Variants in EXTL3 observed in about 807,000 individuals in gnomAD.
The protein encoded by EXTL3 is exostosin-like 3.
In EXTL3, 27 loss-of-function variants were observed where a neutral mutation model predicts 69.3. The ratio of observed to expected loss-of-function variants is 0.39; its 90% CI spans 0.29 to 0.54. The LOEUF (loss-of-function observed/expected upper bound fraction) is 0.54, where lower values mean the gene tolerates loss of function less well. Ranked by LOEUF, EXTL3 falls within the 20% of genes least tolerant of loss-of-function variation. EXTL3 has a pLI of 0.69. For synonymous variants in EXTL3, 511 were observed against 499.4 expected (o/e 1.02, Z -0.31); for missense variants, 1,003 against 1,231.8 (o/e 0.81, Z 2.78).
chr8:28,665,298 C>T (rs1807178490), intron 1 of EXTL3, among the ~76,000 whole-genome samples: 1 of 151,830 alleles, frequency 6.6e-6, no homozygotes, highest in South Asian at 2.1e-4. Flanking sequence ...TGGTCTCAAA[C>T]TCCTGACCTC....
chr8:28,721,656 T>A (rs1370135301), intron 3 of EXTL3, among the ~76,000 whole-genome samples: 2 of 152,214 alleles, frequency 1.3e-5, no homozygotes, highest in Admixed American at 1.3e-4. Flanking sequence ...GAGGGAGGAC[T>A]GGGTCTGGCA....
At chr8:28,741,638 A>G (rs1264971517) in intron 5 of EXTL3, 2 of 151,818 alleles carry the variant, frequency 1.3e-5, no homozygotes, top group African/African-American at 4.8e-5. Context: ...TTTTGTAGCT[A>G]TGGGGTCTTC....
intron 6 of EXTL3, chr8:28,744,185 G>A (rs776785323): frequency 1.1e-4 from 16 of 152,112 alleles, no homozygotes; most frequent in Admixed American, 2.6e-4. Context: ...ACTGTGCTTC[G>A]TCTGTGTTTG....
intron 3 of EXTL3, among the ~76,000 whole-genome samples, chr8:28,726,538 G>T (rs1484839852): frequency 6.6e-6 from 1 of 152,148 alleles, no homozygotes; most frequent in East Asian, 1.9e-4. Context: ...CCTGCAGGTT[G>T]ACTCTAAATC....
In EXTL3 at chr8:28,644,950, G is replaced by A. The variant is rs1482554230; in HGVS notation, c.-53+22140G>A. ...ATGTTCTGTATACGCCTCTGGTGAT[G>A]GAGTTTTATTTCCCTAGCTATTGGT... On this transcript the variant is annotated intron_variant, in intron 1 of 6. Coordinates refer to the EXTL3 transcript ENST00000523149. Among the ~76,000 whole-genome samples the A allele has an allele frequency of 2.0e-5, 3 of 152,170 alleles. No individual in the cohort carries two copies. In the East Asian group the frequency reaches 5.8e-4, roughly 29 times the overall value.
At chr8:28,744,643 A>G (rs1304860201) in intron 6 of EXTL3, among the ~76,000 whole-genome samples, 1 of 152,162 alleles carries the variant, frequency 6.6e-6, no homozygotes, top group African/African-American at 2.4e-5. Context: ...AAATATAAAA[A>G]ATTAGCCAGG....
At chr8:28,729,341 A>G (rs2130768099) in intron 3 of EXTL3, among the ~76,000 whole-genome samples, 1 of 149,668 alleles carries the variant, frequency 6.7e-6, no homozygotes, top group East Asian at 2.0e-4. Context: ...TCGTGCCTGT[A>G]GTCCCAGCAC....
At chr8:28,661,534 C>T (rs932243257) in intron 1 of EXTL3, among the ~76,000 whole-genome samples, 19 of 151,598 alleles carry the variant, frequency 1.3e-4, no homozygotes, top group Non-Finnish European at 1.6e-4. Context: ...TATAAACACA[C>T]ATATATATAT....
At chr8:28,685,099 G>A (rs908371409) in intron 1 of EXTL3, among the ~76,000 whole-genome samples, 3 of 151,154 alleles carry the variant, frequency 2.0e-5, no homozygotes, top group African/African-American at 4.9e-5. Flanking sequence ...TTACAGGCAC[G>A]TGCCACCACG....
Position 28,737,593 on chromosome 8 carries a change from C to T in EXTL3, c.2351C>T (p.Ser784Phe). ...RYHAWDIPHQ[S>F]WLYNSNYSCE... The stretch of plus-strand genomic sequence containing the variant: ...CACGCATGGGACATCCCCCATCAGT[C>T]CTGGCTCTACAACTCCAACTACTCC... Residue 784 changes from serine to phenylalanine, a missense_variant, in exon 5 of 7, where the codon TCC (serine) becomes TTC (phenylalanine). By Grantham distance (155) the Ser-to-Phe change is radical. This residue lies in a region of EXTL3 where 261 missense variants were observed against 416.4 expected (regional missense o/e 0.63). Coordinates refer to ENST00000220562, the MANE Select transcript of EXTL3 (RefSeq NM_001440.4). The T allele has an allele frequency of 6.2e-7, 1 of 1,614,102 alleles. No homozygotes were observed. The highest frequency in any genetic ancestry group is 8.5e-7 in the Non-Finnish European group (1 of 1,179,934).
intron 1 of EXTL3, among the ~76,000 whole-genome samples, chr8:28,658,847 C>T (rs1332469786): frequency 6.6e-6 from 1 of 152,204 alleles, no homozygotes; most frequent in Non-Finnish European, 1.5e-5. Context: ...TCCCAAAGTG[C>T]TGGGATTATA....
At chr8:28,707,214 T>G (rs1800942589) in intron 1 of EXTL3, among the ~76,000 whole-genome samples, 1 of 152,230 alleles carries the variant, frequency 6.6e-6, no homozygotes, top group Non-Finnish European at 1.5e-5. Context: ...ATGAATCCTC[T>G]AAGTAAACAA....
intron 1 of EXTL3, among the ~76,000 whole-genome samples, chr8:28,658,437 A>G (rs548871786): frequency 6.6e-5 from 10 of 152,292 alleles, no homozygotes; most frequent in African/African-American, 2.2e-4. Context: ...TGTGAATACT[A>G]AAGCACATAA....
At chr8:28,703,566 A>G (rs1800857077) in intron 1 of EXTL3, among the ~76,000 whole-genome samples, 1 of 151,988 alleles carries the variant, frequency 6.6e-6, no homozygotes, top group South Asian at 2.1e-4. Flanking sequence ...ATGGGTGATG[A>G]GGGGCTGCAG....
intron 1 of EXTL3, among the ~76,000 whole-genome samples, chr8:28,689,891 A>G (rs1189625624): frequency 6.6e-6 from 1 of 152,240 alleles, no homozygotes; most frequent in African/African-American, 2.4e-5. Context: ...TCAATACAAG[A>G]AAAGTAGAAA....
At chr8:28,643,108 G>A (rs1806770343) in intron 1 of EXTL3, among the ~76,000 whole-genome samples, 1 of 152,106 alleles carries the variant, frequency 6.6e-6, no homozygotes, top group Non-Finnish European at 1.5e-5. Context: ...GCCAGGTGTG[G>A]TGGTGGGTGC....
intron 5 of EXTL3, chr8:28,741,533 C>T (rs569992883): frequency 3.9e-5 from 6 of 152,162 alleles, no homozygotes; most frequent in African/African-American, 2.4e-5. Flanking sequence ...TCAGTGCAGC[C>T]TAGAACTCCC....
At chr8:28,680,288 G>A (rs1005460707) in intron 1 of EXTL3, among the ~76,000 whole-genome samples, 5 of 150,368 alleles carry the variant, frequency 3.3e-5, no homozygotes, top group African/African-American at 4.9e-5. Context: ...CTACTCCGAG[G>A]CTGAGGCAGG....
intron 1 of EXTL3, among the ~76,000 whole-genome samples, chr8:28,708,416 T>C (rs538945876): frequency 1.3e-5 from 2 of 149,390 alleles, no homozygotes; most frequent in African/African-American, 4.9e-5. Flanking sequence ...TTAGTTTCCC[T>C]GGGAAGTGCC....
Sources: allele counts gnomAD v4.1 joint callset (sites outside exome capture counted in the v4.1 genomes callset), GRCh38; gene constraint gnomAD v4.1.1; regional missense constraint gnomAD v4.1.1; transcripts MANE v1.5; gene names NCBI Gene and HGNC (gene_info 2026-07-23, HGNC 2026-07-21).